ST3GAL3: variants seen among roughly 807,000 people sequenced by gnomAD.
ST3GAL3 encodes the protein ST3 beta-galactoside alpha-2,3-sialyltransferase 3.
In ST3GAL3, 21 loss-of-function variants were observed where a neutral mutation model predicts 50.1. The observed-to-expected ratio is 0.42, with a 90% CI of 0.30 to 0.60. The LOEUF (loss-of-function observed/expected upper bound fraction) is 0.60, where lower values mean the gene tolerates loss of function less well. Among genes scored for constraint, ST3GAL3 ranks in the 20% least tolerant of loss-of-function variants. ST3GAL3 has a pLI of 0.19. For synonymous variants in ST3GAL3, 183 were observed against 190.0 expected, an observed-to-expected ratio of 0.96 and a Z score of 0.30; for missense variants, 353 against 489.4, an observed-to-expected ratio of 0.72 and a Z score of 2.63.
At chr1:43,717,230 C>G (rs1326827158) in intron 1 of ST3GAL3, among the ~76,000 whole-genome samples, 1 of 152,190 alleles carries the variant, frequency 6.6e-6, no homozygotes, top group Non-Finnish European at 1.5e-5. Flanking sequence ...AGGGCAGGCA[C>G]CACTCCCTGT....
intron 1 of ST3GAL3, among the ~76,000 whole-genome samples, chr1:43,726,721 A>G (rs1051594616): frequency 1.3e-5 from 2 of 152,170 alleles, no homozygotes; most frequent in East Asian, 3.9e-4. Flanking sequence ...CAGCCACACA[A>G]GTAGCTGAGA....
At chr1:43,833,522 C>T (rs757071919) in intron 4 of ST3GAL3, among the ~76,000 whole-genome samples, 7 of 151,996 alleles carry the variant, frequency 4.6e-5, no homozygotes, top group Non-Finnish European at 1.0e-4. Flanking sequence ...CAGCATAACT[C>T]TTAACAAAAA....
chr1:43,887,279 G>A (rs972623284), intron 5 of ST3GAL3, among the ~76,000 whole-genome samples: 12 of 152,156 alleles, frequency 7.9e-5, no homozygotes, highest in African/African-American at 2.9e-4. Context: ...TGTAAGATTA[G>A]ATAAATCTCT....
At chr1:43,791,985 G>A (rs553642432) in intron 2 of ST3GAL3, 117 bp from the exon 3 acceptor site, 111 of 1,252,946 alleles carry the variant, frequency 8.9e-5, no homozygotes, top group Middle Eastern at 3.8e-4. Flanking sequence ...TGGGCTGTTC[G>A]ACTGAGTTCC....
At chr1:43,807,623 AGGG>A (rs1370962324) in intron 3 of ST3GAL3, among the ~76,000 whole-genome samples, 1 of 152,144 alleles carries the variant, frequency 6.6e-6, no homozygotes, top group Admixed American at 6.5e-5. Flanking sequence ...TCTATTAGAC[AGGG>A]GCAGGGAGAC....
chr1:43,742,704 G>C (rs564832845), intron 2 of ST3GAL3, among the ~76,000 whole-genome samples: 2 of 152,262 alleles, frequency 1.3e-5, no homozygotes, highest in South Asian at 4.1e-4. Flanking sequence ...AAATACAGTA[G>C]TGAACAATGA....
intron 3 of ST3GAL3, among the ~76,000 whole-genome samples, chr1:43,808,071 A>C (rs1488764830): frequency 6.6e-6 from 1 of 152,172 alleles, no homozygotes; most frequent in Non-Finnish European, 1.5e-5. Context: ...TGGGAGGCCA[A>C]GGCAGGTGGA....
intron 4 of ST3GAL3, among the ~76,000 whole-genome samples, chr1:43,825,595 C>G (rs1469556374): frequency 6.6e-6 from 1 of 152,176 alleles, no homozygotes; most frequent in Non-Finnish European, 1.5e-5. Context: ...CTTGAGAAGT[C>G]TGGAGGAATG....
intron 5 of ST3GAL3, among the ~76,000 whole-genome samples, chr1:43,862,633 C>G (rs547856283): frequency 6.6e-6 from 1 of 151,462 alleles, no homozygotes; most frequent in African/African-American, 2.4e-5. Flanking sequence ...CAGAGCCAGG[C>G]GCAGTGGCTC....
At chr1:43,766,827 T>C (rs1312357417) in intron 2 of ST3GAL3, among the ~76,000 whole-genome samples, 1 of 152,096 alleles carries the variant, frequency 6.6e-6, no homozygotes, top group East Asian at 1.9e-4. Flanking sequence ...GAATTTAAAA[T>C]GGGAGGTTGT....
At chr1:43,771,798 G>T in intron 2 of ST3GAL3, 2 of 366,422 alleles carry the variant, frequency 5.5e-6, no homozygotes, top group Non-Finnish European at 9.7e-6. Context: ...CCAGATCATG[G>T]TTGTTATAGT....
At chr1:43,858,427 G>T (rs747743756) in intron 5 of ST3GAL3, 3 of 843,304 alleles carry the variant, frequency 3.6e-6, no homozygotes, top group Non-Finnish European at 4.7e-6. Flanking sequence ...CACAGTCCCT[G>T]GTGAGAGCAG....
At chr1:43,713,478 C>T (rs1230272800) in intron 1 of ST3GAL3, among the ~76,000 whole-genome samples, 1 of 150,782 alleles carries the variant, frequency 6.6e-6, no homozygotes, top group Non-Finnish European at 1.5e-5. Context: ...GGTAGGTGAT[C>T]ACTAGTCTTA....
chr1:43,851,116 G>T, intron 5 of ST3GAL3: 1 of 1,058,344 alleles, frequency 9.4e-7, no homozygotes, highest in Non-Finnish European at 1.5e-6. Flanking sequence ...CATAGTCCAG[G>T]TTTTAGGAGG....
At chr1:43,891,685 C>T (rs1356728825) in intron 5 of ST3GAL3, among the ~76,000 whole-genome samples, 1 of 152,184 alleles carries the variant, frequency 6.6e-6, no homozygotes. Flanking sequence ...AAAAAAGCCT[C>T]ATTAATCATT....
intron 2 of ST3GAL3, among the ~76,000 whole-genome samples, chr1:43,756,317 G>T (rs1688091286): frequency 6.6e-6 from 1 of 152,148 alleles, no homozygotes; most frequent in East Asian, 1.9e-4. Context: ...AAGAGTGAAG[G>T]GAGGGAGGGA....
At chr1:43,849,399 C>T (rs1306825494) in intron 5 of ST3GAL3, among the ~76,000 whole-genome samples, 2 of 152,006 alleles carry the variant, frequency 1.3e-5, no homozygotes, top group African/African-American at 4.8e-5. Context: ...TCTACAAAAA[C>T]TATTAAATCT....
chr1:43,761,598 G>A (rs1280479215), intron 2 of ST3GAL3, among the ~76,000 whole-genome samples: 1 of 152,032 alleles, frequency 6.6e-6, no homozygotes, highest in Admixed American at 6.6e-5. Flanking sequence ...TGTTGAATCT[G>A]TAGGATGGGG....
chr1:43,848,881 A>G (rs713191), intron 5 of ST3GAL3, among the ~76,000 whole-genome samples: 84,952 of 152,016 alleles, frequency 0.56, 27,656 homozygotes, highest in Non-Finnish European at 0.74. Flanking sequence ...TTATATTGCT[A>G]TGTCTTCACA....
Sources: allele counts gnomAD v4.1 joint callset (sites outside exome capture counted in the v4.1 genomes callset), GRCh38; gene constraint gnomAD v4.1.1; transcripts MANE v1.5; gene names NCBI Gene and HGNC (gene_info 2026-07-23, HGNC 2026-07-21).